LPIN2: variants seen among roughly 807,000 people sequenced by gnomAD.
LPIN2 encodes the protein phosphatidate phosphatase LPIN2.
A neutral mutation model predicts 111.4 loss-of-function variants in LPIN2; 55 were observed. The observed-to-expected ratio is 0.49, with a 90% CI of 0.40 to 0.62. LPIN2 has a LOEUF of 0.62. Ranked by LOEUF, LPIN2 falls within the 20% of genes least tolerant of loss-of-function variation. The pLI is 0.00. For synonymous variants in LPIN2, 425 were observed against 414.0 expected, an observed-to-expected ratio of 1.03 and a Z score of -0.32; for missense variants, 992 against 1,112.1, an observed-to-expected ratio of 0.89 and a Z score of 1.54.
chr18:2,919,888 G>A lies in LPIN2; in HGVS notation c.*405C>T, dbSNP rs2077027254. ...TCAGGGACCCTGACATCTGAAGACAGCCCTGGTTACAGAAGCCACCTCAAC... is the reference window on the plus strand; with the variant it reads ...TCAGGGACCCTGACATCTGAAGACAACCCTGGTTACAGAAGCCACCTCAAC... On this transcript the variant is annotated 3_prime_UTR_variant, in exon 20 of 20. Transcript: ENST00000677752. The A allele has an allele frequency of 9.5e-5, 28 of 295,320 alleles. 1 individual carries two copies. Among genetic ancestry groups the A allele is most frequent in the South Asian group, 9.4e-4 (28 of 29,678 alleles). 18.3% of individuals were successfully genotyped at this position (295,320 alleles called of 1,614,324 possible).
At chr18:2,923,698 A>C in intron 16 of LPIN2, 77 bp downstream of exon 16, 1 of 1,186,896 alleles carries the variant, frequency 8.4e-7, no homozygotes, top group Non-Finnish European at 1.3e-6. Flanking sequence ...TGGACTGAAG[A>C]CTTACACCAT....
intron 1 of LPIN2, among the ~76,000 whole-genome samples, chr18:3,003,636 CT>C (rs1412526963): frequency 6.6e-6 from 1 of 152,122 alleles, no homozygotes; most frequent in Admixed American, 6.5e-5. Flanking sequence ...CTTATAATTT[CT>C]TATGTCTGTT....
intron 4 of LPIN2, among the ~76,000 whole-genome samples, chr18:2,947,906 G>A (rs905291985): frequency 1.3e-5 from 2 of 152,112 alleles, no homozygotes; most frequent in Non-Finnish European, 2.9e-5. Flanking sequence ...CAGAGTCTAG[G>A]TGCTGAGCTG....
At chr18:2,954,687 CTT>C (rs2077583558) in intron 2 of LPIN2, 88 bp from the exon 3 acceptor site, 2 of 951,050 alleles carry the variant, frequency 2.1e-6, no homozygotes, top group Non-Finnish European at 3.4e-6. Context: ...TCAAGTCAAA[CTT>C]AGCATAGTTT....
chr18:2,991,282 G>A (rs2078261483), intron 1 of LPIN2, among the ~76,000 whole-genome samples: 1 of 152,182 alleles, frequency 6.6e-6, no homozygotes, highest in Non-Finnish European at 1.5e-5. Context: ...TGTGAAATAT[G>A]AAAATAAAAT....
intron 2 of LPIN2, among the ~76,000 whole-genome samples, chr18:2,957,407 T>G (rs2077629321): frequency 6.6e-6 from 1 of 152,150 alleles, no homozygotes; most frequent in Non-Finnish European, 1.5e-5. Flanking sequence ...GCTCAACCAG[T>G]AAGTATAGTG....
At chr18:2,987,500 C>T (rs1054300348) in intron 1 of LPIN2, among the ~76,000 whole-genome samples, 1 of 152,114 alleles carries the variant, frequency 6.6e-6, no homozygotes, top group Non-Finnish European at 1.5e-5. Flanking sequence ...TCCTCACATT[C>T]CTTGACTTAT....
intron 1 of LPIN2, among the ~76,000 whole-genome samples, chr18:3,010,807 G>T (rs1266580231): frequency 6.6e-6 from 1 of 152,052 alleles, no homozygotes; most frequent in African/African-American, 2.4e-5. Flanking sequence ...AAGTACCCAA[G>T]GCATAGAAAA....
intron 9 of LPIN2, among the ~76,000 whole-genome samples, chr18:2,930,717 G>A (rs2077201252): frequency 6.6e-6 from 1 of 152,250 alleles, no homozygotes; most frequent in African/African-American, 2.4e-5. Flanking sequence ...TAGGCATCCT[G>A]ACATGTCTGC....
chr18:2,956,740 A>G (rs2077622339), intron 2 of LPIN2, among the ~76,000 whole-genome samples: 1 of 152,346 alleles, frequency 6.6e-6, no homozygotes, highest in East Asian at 1.9e-4. Context: ...CTATTCATAC[A>G]CTATCTCAGA....
intron 4 of LPIN2, chr18:2,946,099 T>C: frequency 6.4e-7 from 1 of 1,550,850 alleles, no homozygotes; most frequent in Admixed American, 1.7e-5. Context: ...AATTTCATCA[T>C]TGTCTTCTTT....
chr18:2,932,754 C>A (rs1441381787), intron 8 of LPIN2, among the ~76,000 whole-genome samples: 1 of 152,198 alleles, frequency 6.6e-6, no homozygotes, highest in East Asian at 1.9e-4. Context: ...CTCTCCTATG[C>A]GATGCTCATT....
intron 1 of LPIN2, among the ~76,000 whole-genome samples, chr18:2,968,373 C>T (rs1201256418): frequency 6.6e-6 from 1 of 152,186 alleles, no homozygotes; most frequent in East Asian, 1.9e-4. Flanking sequence ...TGGTACAGTT[C>T]AGTTTTCACA....
In LPIN2 at chr18:2,922,695, T is replaced by TG. The variant is rs556640626; in HGVS notation, c.2175-497dup. On this transcript the variant is annotated intron_variant, in intron 16 of 19. Transcript: ENST00000677752. Reference sequence around the variant, plus strand: ...GAGGTTTCACCTTCCATGGAAAACGTGGGAAAAAAATGGAGGTACAGGCAA... The same window carrying TG: ...GAGGTTTCACCTTCCATGGAAAACGTGGGGAAAAAAATGGAGGTACAGGCAA... 1.5e-3 allele frequency among the ~76,000 whole-genome samples: 230 copies of TG among 152,148 alleles called. 1 individual carries two copies. The Middle Eastern group carries it at 0.034, about 23-fold the overall frequency.
chr18:2,921,500 C>G, intron 18 of LPIN2, 33 bp downstream of exon 18: 2 of 1,503,182 alleles, frequency 1.3e-6, no homozygotes, highest in Non-Finnish European at 1.9e-6. Flanking sequence ...GAATTTCACC[C>G]ACATCAGAAC....
In LPIN2 at chr18:2,951,227, C is replaced by A; in HGVS notation, c.418G>T (p.Val140Phe). The change falls in exon 4 of 20, where the codon GTC becomes TTC. Residue 140 changes from valine (V) to phenylalanine (F), a missense_variant. Val to Phe is a conservative substitution (Grantham distance 50). This residue lies in a region of LPIN2 where 709 missense variants were observed against 753.2 expected (regional missense o/e 0.94). Coordinates refer to ENST00000677752, the MANE Select transcript of LPIN2 (RefSeq NM_001375808.2). ...GTAAAAATTGTCTCTGTTTCCAAGACGTGTGAGATGTCTGAACTCTGAGAT... is the reference window on the plus strand; with the variant it reads ...GTAAAAATTGTCTCTGTTTCCAAGAAGTGTGAGATGTCTGAACTCTGAGAT... ...TPSQSSDISH[V>F]LETETIFTPS... The A allele has an allele frequency of 6.2e-7, 1 of 1,614,088 alleles. No individual in the cohort carries two copies. Among genetic ancestry groups the A allele is most frequent in the Non-Finnish European group, 8.5e-7 (1 of 1,180,030 alleles).
chr18:3,000,569 T>C (rs1409353087), intron 1 of LPIN2, among the ~76,000 whole-genome samples: 1 of 152,248 alleles, frequency 6.6e-6, no homozygotes, highest in African/African-American at 2.4e-5. Flanking sequence ...CTCCATCAGA[T>C]GTACGGCACG....
intron 4 of LPIN2, chr18:2,948,190 C>T (rs1200452011): frequency 1.3e-5 from 2 of 151,786 alleles, no homozygotes; most frequent in Non-Finnish European, 2.9e-5. Context: ...GTGGCAGCAT[C>T]AATTATTCCA....
chr18:2,993,150 GAAAA>G (rs972043183), intron 1 of LPIN2, among the ~76,000 whole-genome samples: 1 of 148,180 alleles, frequency 6.7e-6, no homozygotes, highest in Non-Finnish European at 1.5e-5. Context: ...GACGGAGGAA[GAAAA>G]AAGAAAGAAG....
Sources: allele counts gnomAD v4.1 joint callset (sites outside exome capture counted in the v4.1 genomes callset), GRCh38; gene constraint gnomAD v4.1.1; regional missense constraint gnomAD v4.1.1; transcripts MANE v1.5; gene names NCBI Gene and HGNC (gene_info 2026-07-23, HGNC 2026-07-21).